The following CTNNA2 variants were observed in gnomAD, a reference collection of about 807,000 sequenced individuals.
CTNNA2 encodes the protein catenin alpha 2.
In CTNNA2, 42 loss-of-function variants were observed where a neutral mutation model predicts 101.0. That is an observed-to-expected ratio of 0.42 (90% CI 0.32 to 0.54). The LOEUF is 0.54. CTNNA2 is among the 20% of genes least tolerant of loss of function. The pLI is 0.14. For missense variants in CTNNA2, 871 were observed against 1,223.1 expected (o/e 0.71, Z 4.29); for synonymous variants, 450 against 456.4 (o/e 0.99, Z 0.18).
intron 11 of CTNNA2, among the ~76,000 whole-genome samples, chr2:80,550,062 C>A (rs913230323): frequency 6.6e-6 from 1 of 152,102 alleles, no homozygotes; most frequent in African/African-American, 2.4e-5. Context: ...TTTTTCCAAA[C>A]ACAGGCAAAC....
At chr2:79,372,519 AG>A (rs1417581876) in intron 3 of CTNNA2, among the ~76,000 whole-genome samples, 4 of 152,172 alleles carry the variant, frequency 2.6e-5, no homozygotes, top group Non-Finnish European at 5.9e-5. Flanking sequence ...GCTAATAGAA[AG>A]GGGGAAAAGG....
chr2:80,561,018 A>G (rs933142030), intron 12 of CTNNA2, among the ~76,000 whole-genome samples: 3 of 152,120 alleles, frequency 2.0e-5, no homozygotes, highest in Admixed American at 6.5e-5. Flanking sequence ...CTGTGTATCA[A>G]TGGGAAATCA....
At chr2:79,907,975 T>G (rs754118440) in intron 6 of CTNNA2, among the ~76,000 whole-genome samples, 8 of 152,180 alleles carry the variant, frequency 5.3e-5, no homozygotes, top group Non-Finnish European at 1.0e-4. Context: ...GATTTGCATT[T>G]TAACAGGAAT....
chr2:80,264,796 A>T (rs1672879448), intron 7 of CTNNA2, among the ~76,000 whole-genome samples: 1 of 152,150 alleles, frequency 6.6e-6, no homozygotes, highest in Non-Finnish European at 1.5e-5. Flanking sequence ...AGCAATATTA[A>T]TGGGGGCAGC....
Position 79,388,586 on chromosome 2 carries a change from C to T in CTNNA2, c.-135+14573C>T, listed in dbSNP as rs75912545. ...ACAGTAATGATGTGTAGGCTGGTTG[C>T]ACAATAGTGTCCACAGCATACATTT... is the stretch of plus-strand genomic sequence containing the variant. On this transcript the variant is annotated intron_variant, in intron 4 of 21. Coordinates refer to the CTNNA2 transcript ENST00000466387. 3.9e-3 allele frequency among the ~76,000 whole-genome samples: 588 copies of T among 152,218 alleles called. 3 individuals carry two copies. Among genetic ancestry groups the T allele is most frequent in the Non-Finnish European group, 6.2e-3 (423 of 68,006 alleles).
chr2:79,860,737 A>T (rs1681560043), intron 4 of CTNNA2, among the ~76,000 whole-genome samples: 1 of 152,076 alleles, frequency 6.6e-6, no homozygotes, highest in Non-Finnish European at 1.5e-5. Context: ...CTTGTGGAGC[A>T]AGTGAGGAAC....
chr2:79,745,491 A>G (rs546156506), intron 3 of CTNNA2, among the ~76,000 whole-genome samples: 27 of 152,198 alleles, frequency 1.8e-4, no homozygotes, highest in Non-Finnish European at 3.2e-4. Context: ...TGTACAGTTC[A>G]ATACTGTTAA....
intron 2 of CTNNA2, among the ~76,000 whole-genome samples, chr2:79,723,651 A>G (rs532119887): frequency 6.6e-6 from 1 of 152,320 alleles, no homozygotes; most frequent in African/African-American, 2.4e-5. Context: ...ATTCTGAAAC[A>G]TGAGCTCTAC....
chr2:80,361,023 T>C (rs1027055373), intron 7 of CTNNA2, among the ~76,000 whole-genome samples: 2 of 152,046 alleles, frequency 1.3e-5, no homozygotes, highest in Non-Finnish European at 2.9e-5. Context: ...TATACACGGA[T>C]GTCATATGAA....
chr2:80,572,683 G>A (rs1364809827), intron 12 of CTNNA2: 2 of 151,916 alleles, frequency 1.3e-5, no homozygotes, highest in African/African-American at 4.8e-5. Flanking sequence ...GTTTAATGCA[G>A]TGGTTTTTAG....
intron 7 of CTNNA2, among the ~76,000 whole-genome samples, chr2:80,223,345 G>C (rs1465144593): frequency 1.3e-5 from 2 of 152,194 alleles, no homozygotes. Context: ...CGCAATCTCG[G>C]CTCACAGCAA....
intron 2 of CTNNA2, among the ~76,000 whole-genome samples, chr2:79,243,388 G>A (rs746115347): frequency 9.2e-5 from 14 of 152,184 alleles, no homozygotes; most frequent in Non-Finnish European, 1.3e-4. Context: ...AGTTACTATA[G>A]ATTTGTTGTT....
At chr2:80,101,299 C>A (rs796696646) in intron 7 of CTNNA2, among the ~76,000 whole-genome samples, 16 of 152,256 alleles carry the variant, frequency 1.1e-4, no homozygotes, top group African/African-American at 3.6e-4. Context: ...AGATGACAGG[C>A]CCACACTGTC....
intron 2 of CTNNA2, among the ~76,000 whole-genome samples, chr2:79,726,001 T>A (rs1007809292): frequency 6.6e-6 from 1 of 152,194 alleles, no homozygotes; most frequent in Non-Finnish European, 1.5e-5. Context: ...GGTGTGAGAT[T>A]GAGCTAATTT....
intron 7 of CTNNA2, among the ~76,000 whole-genome samples, chr2:79,953,425 C>T (rs1054079911): frequency 6.6e-6 from 1 of 152,168 alleles, no homozygotes; most frequent in African/African-American, 2.4e-5. Flanking sequence ...TGAAGGCAGC[C>T]AGCTTTCTTG....
chr2:79,424,131 C>A (rs1428329016), intron 4 of CTNNA2, among the ~76,000 whole-genome samples: 1 of 152,028 alleles, frequency 6.6e-6, no homozygotes, highest in Non-Finnish European at 1.5e-5. Flanking sequence ...CGGTGAGGGA[C>A]CGGTTCAGCC....
At chr2:80,252,396 G>A (rs74358038) in intron 7 of CTNNA2, among the ~76,000 whole-genome samples, 135 of 152,172 alleles carry the variant, frequency 8.9e-4, no homozygotes, top group African/African-American at 3.2e-3. Context: ...TCCTTGCTTT[G>A]TGAGGTGTTA....
chr2:80,304,194 G>A (rs1676671964), intron 7 of CTNNA2: 1 of 177,838 alleles, frequency 5.6e-6, no homozygotes, highest in South Asian at 1.9e-4. Context: ...TGCTCCCTTT[G>A]TGTGCAGGCT....
At chr2:79,830,073 C>T (rs1196166277) in intron 3 of CTNNA2, among the ~76,000 whole-genome samples, 1 of 152,112 alleles carries the variant, frequency 6.6e-6, no homozygotes, top group Admixed American at 6.5e-5. Context: ...GACCTGGAGA[C>T]TGAGAGAGAC....
Sources: gnomAD v4.1 joint callset for allele counts (sites outside exome capture counted in the v4.1 genomes callset) on GRCh38, gnomAD v4.1.1 for gene constraint, MANE v1.5 for transcripts, NCBI Gene and HGNC (gene_info 2026-07-23, HGNC 2026-07-21) for gene names.